The following CHST9 variants were observed in gnomAD, a reference collection of about 807,000 sequenced individuals.
The protein encoded by CHST9 is carbohydrate sulfotransferase 9.
CHST9 carries 41 observed loss-of-function variants against 44.4 expected under a neutral mutation model. That is an observed-to-expected ratio of 0.92 (90% CI 0.72 to 1.20). CHST9 has a LOEUF of 1.20. Ranked by LOEUF, CHST9 falls within the 50% of genes most tolerant of loss-of-function variation. CHST9 has a pLI of 0.00. For synonymous variants in CHST9, 171 were observed against 178.4 expected (o/e 0.96, Z 0.33); for missense variants, 504 against 516.5 (o/e 0.98, Z 0.23).
rs371802982 is a variant in CHST9 at position 27,104,815 on chromosome 18, CT to C, written c.121+37873del. On this transcript the variant is annotated intron_variant, in intron 2 of 5. Coordinates refer to ENST00000618847, the MANE Select transcript of CHST9 (RefSeq NM_031422.6). ...TATTTAGAATATGGCATCTTTTCTT[CT>C]TTTTCATGCTTTCGTTTTGAATACT... Among the ~76,000 whole-genome samples the C allele has an allele frequency of 1.1e-4, 17 of 152,090 alleles. No individual in the cohort carries two copies. The East Asian group carries it at 3.3e-3, about 29-fold the overall frequency.
chr18:27,072,308 G>A (rs2057849415), intron 2 of CHST9, among the ~76,000 whole-genome samples: 1 of 151,990 alleles, frequency 6.6e-6, no homozygotes, highest in Non-Finnish European at 1.5e-5. Context: ...TTTCCTTCTG[G>A]CATAATTGTT....
intron 4 of CHST9, among the ~76,000 whole-genome samples, chr18:27,015,213 CT>C (rs2057137202): frequency 6.6e-6 from 1 of 152,156 alleles, no homozygotes. Flanking sequence ...GCTCAACGGC[CT>C]GGAATTTCAT....
At chr18:27,122,770 G>A (rs1008900121) in intron 2 of CHST9, among the ~76,000 whole-genome samples, 1 of 152,130 alleles carries the variant, frequency 6.6e-6, no homozygotes, top group African/African-American at 2.4e-5. Context: ...ATGTGCAGGA[G>A]TGCCAAGGTT....
At chr18:27,174,214 T>C (rs2058851738) in intron 1 of CHST9, among the ~76,000 whole-genome samples, 1 of 151,976 alleles carries the variant, frequency 6.6e-6, no homozygotes, top group Non-Finnish European at 1.5e-5. Context: ...TTGCAATTAG[T>C]TGCCAGGTCT....
At chr18:26,917,758 G>A (rs142906691) in intron 5 of CHST9, among the ~76,000 whole-genome samples, 8 of 152,210 alleles carry the variant, frequency 5.3e-5, no homozygotes, top group South Asian at 2.1e-4. Flanking sequence ...TTTTTAGGGA[G>A]CACTCTGTAA....
chr18:27,069,897 C>T (rs2057821152), intron 2 of CHST9, among the ~76,000 whole-genome samples: 2 of 151,958 alleles, frequency 1.3e-5, no homozygotes, highest in Non-Finnish European at 2.9e-5. Flanking sequence ...GGCATTTGAG[C>T]CAGAAAGAGG....
At chr18:27,013,614 C>T (rs958240752) in intron 4 of CHST9, among the ~76,000 whole-genome samples, 1 of 152,174 alleles carries the variant, frequency 6.6e-6, no homozygotes, top group African/African-American at 2.4e-5. Flanking sequence ...AAGAGCCTTA[C>T]TCAAGGTACT....
intron 4 of CHST9, among the ~76,000 whole-genome samples, chr18:26,983,593 T>G (rs533329437): frequency 5.9e-5 from 9 of 152,202 alleles, no homozygotes; most frequent in Non-Finnish European, 1.0e-4. Context: ...ATTAAATCTC[T>G]TTTGTTTATA....
intron 2 of CHST9, among the ~76,000 whole-genome samples, chr18:27,128,281 A>AT (rs2058442232): frequency 6.6e-6 from 1 of 152,022 alleles, no homozygotes; most frequent in South Asian, 2.1e-4. Context: ...TTATTTATTT[A>AT]TTTTTTGAGA....
chr18:27,176,881 G>A (rs1184730858), intron 1 of CHST9, among the ~76,000 whole-genome samples: 2 of 151,990 alleles, frequency 1.3e-5, no homozygotes, highest in Non-Finnish European at 2.9e-5. Context: ...TGCAAAATCT[G>A]AAAAAATGAC....
intron 4 of CHST9, among the ~76,000 whole-genome samples, chr18:27,010,124 T>A (rs140339057): frequency 6.6e-6 from 1 of 152,340 alleles, no homozygotes; most frequent in Non-Finnish European, 1.5e-5. Context: ...ATCATTCTCC[T>A]TTATAACATG....
At chr18:26,989,194 A>G (rs2056788018) in intron 4 of CHST9, among the ~76,000 whole-genome samples, 1 of 152,206 alleles carries the variant, frequency 6.6e-6, no homozygotes, top group South Asian at 2.1e-4. Flanking sequence ...CATATCACTG[A>G]TAAAAGAATT....
intron 2 of CHST9, among the ~76,000 whole-genome samples, chr18:27,129,668 C>T (rs1359889577): frequency 6.6e-6 from 1 of 152,164 alleles, no homozygotes; most frequent in Non-Finnish European, 1.5e-5. Flanking sequence ...GCTGGGATTA[C>T]AGATGTGAGC....
chr18:26,974,189 A>G (rs1273954239), intron 4 of CHST9, among the ~76,000 whole-genome samples: 1 of 152,246 alleles, frequency 6.6e-6, no homozygotes, highest in African/African-American at 2.4e-5. Flanking sequence ...GATCCAATGC[A>G]ACTTGAAATG....
At chr18:26,925,346 A>G (rs1352959709) in intron 5 of CHST9, among the ~76,000 whole-genome samples, 1 of 152,238 alleles carries the variant, frequency 6.6e-6, no homozygotes, top group Non-Finnish European at 1.5e-5. Context: ...TGCATCAAAC[A>G]GAAGAGTAGA....
chr18:26,977,425 T>TAA (rs34131355), intron 4 of CHST9, among the ~76,000 whole-genome samples: 188 of 134,640 alleles, frequency 1.4e-3, no homozygotes, highest in African/African-American at 4.8e-3. Flanking sequence ...AGGTCACTTG[T>TAA]AAAAAAAAAA....
At chr18:27,161,099 T>A (rs1393635280) in intron 1 of CHST9, among the ~76,000 whole-genome samples, 1 of 152,178 alleles carries the variant, frequency 6.6e-6, no homozygotes, top group Non-Finnish European at 1.5e-5. Context: ...GTTTTTTGTG[T>A]CTCTATTTCC....
intron 4 of CHST9, among the ~76,000 whole-genome samples, chr18:26,998,394 T>C (rs1359228190): frequency 6.6e-6 from 1 of 151,936 alleles, no homozygotes; most frequent in Non-Finnish European, 1.5e-5. Flanking sequence ...ATATGAAAGA[T>C]GAAATAAAGA....
At chr18:27,096,383 C>T (rs1385439232) in intron 2 of CHST9, among the ~76,000 whole-genome samples, 1 of 151,588 alleles carries the variant, frequency 6.6e-6, no homozygotes, top group East Asian at 1.9e-4. Context: ...TAGAAAACAA[C>T]AGGAACACAC....
Sources: allele counts gnomAD v4.1 joint callset (sites outside exome capture counted in the v4.1 genomes callset), GRCh38; gene constraint gnomAD v4.1.1; transcripts MANE v1.5; gene names NCBI Gene and HGNC (gene_info 2026-07-23, HGNC 2026-07-21).